Variants in ABLIM3 observed in about 807,000 individuals in gnomAD.
ABLIM3 encodes the protein actin-binding LIM protein 3.
ABLIM3 carries 61 observed loss-of-function variants against 109.5 expected under a neutral mutation model. That is an observed-to-expected ratio of 0.56 (90% CI 0.45 to 0.69). ABLIM3 has a LOEUF of 0.69. Ranked by LOEUF, ABLIM3 falls within the 30% of genes least tolerant of loss-of-function variation. The pLI is 0.00. For synonymous variants in ABLIM3, 300 were observed against 324.8 expected, an observed-to-expected ratio of 0.92 and a Z score of 0.82; for missense variants, 796 against 889.5, an observed-to-expected ratio of 0.89 and a Z score of 1.34.
chr5:149,149,061 G>C (rs1483930599), intron 2 of ABLIM3, among the ~76,000 whole-genome samples: 1 of 152,224 alleles, frequency 6.6e-6, no homozygotes, highest in South Asian at 2.1e-4. Context: ...AGTAGACTTT[G>C]TTCTGTTGAA....
At chr5:149,183,181 G>C (rs1756612601) in intron 2 of ABLIM3, among the ~76,000 whole-genome samples, 1 of 152,118 alleles carries the variant, frequency 6.6e-6, no homozygotes, top group Admixed American at 6.5e-5. Flanking sequence ...CCTCTTATTT[G>C]TCTTCATTCA....
rs762491848 is a variant in ABLIM3 at position 149,198,225 on chromosome 5, G to T, written c.158G>T (p.Gly53Val). Reference sequence around the variant, plus strand: ...TTCCTCCTTGTTCCCCAAGTATGTGGCTGTGGCCTGGCCCAGTCAGGCTTC... The same window carrying T: ...TTCCTCCTTGTTCCCCAAGTATGTGTCTGTGGCCTGGCCCAGTCAGGCTTC... ...HIRCFTCQVC[G>V]CGLAQSGFFF... Residue 53 changes from glycine (G) to valine (V), a missense_variant, in exon 4 of 24, where the codon GGC (glycine) becomes GTC (valine). Gly to Val is a moderately radical substitution (Grantham distance 109, BLOSUM62 -3). Transcript: ENST00000309868. The surrounding 1 kb of genome is among the most constrained non-coding windows in gnomAD (Gnocchi z 4.2). 6.2e-7 allele frequency: 1 copy of T among 1,611,954 alleles called. No homozygotes were observed. The highest frequency in any genetic ancestry group is 8.5e-7 in the Non-Finnish European group (1 of 1,178,944).
chr5:149,202,892 T>C (rs750562541), intron 5 of ABLIM3, among the ~76,000 whole-genome samples: 1 of 151,802 alleles, frequency 6.6e-6, no homozygotes, highest in Non-Finnish European at 1.5e-5. Context: ...ATTGCAAACA[T>C]TGATTGACTG....
intron 20 of ABLIM3, 21 bp downstream of exon 20, chr5:149,250,526 A>G (rs565544925): frequency 1.9e-6 from 3 of 1,614,016 alleles, no homozygotes; most frequent in Non-Finnish European, 2.5e-6. Context: ...GTGCTGGAGG[A>G]TGGGGGAGGA....
At position 149,250,463 on chromosome 5, in the gene ABLIM3, A is replaced by G. The variant is rs1561638120; in HGVS notation, c.1746A>G (p.Lys582=). The G allele has an allele frequency of 1.9e-6, 3 of 1,614,134 alleles. No homozygotes were observed. Among genetic ancestry groups the G allele is most frequent in the Non-Finnish European group, 2.5e-6 (3 of 1,179,992 alleles). ...YLADSDPLIS[K]SASLPAYRRN... is the part of the protein sequence containing the mutation. ...TCTTTTCAGATCCTCTCATCTCCAA[A>G]TCTGCCTCCCTGCCTGCCTACCGAA... The change falls in exon 20 of 24, where the codon AAA becomes AAG. Residue 582 remains lysine, a synonymous_variant. Transcript: ENST00000309868.
intron 17 of ABLIM3, among the ~76,000 whole-genome samples, chr5:149,246,968 T>G (rs1410802565): frequency 6.6e-6 from 1 of 152,180 alleles, no homozygotes; most frequent in Non-Finnish European, 1.5e-5. Flanking sequence ...CCAGAAGAAT[T>G]AAAAACAGGA....
chr5:149,200,068 A>G (rs929103642), intron 4 of ABLIM3, among the ~76,000 whole-genome samples: 3 of 152,218 alleles, frequency 2.0e-5, no homozygotes, highest in Non-Finnish European at 4.4e-5. Context: ...CAGCCTAGAC[A>G]AGTAAGGTCA....
chr5:149,228,761 T>G (rs1053729338), intron 8 of ABLIM3, among the ~76,000 whole-genome samples: 4 of 152,216 alleles, frequency 2.6e-5, no homozygotes, highest in Non-Finnish European at 4.4e-5. Flanking sequence ...AATTATATTT[T>G]TTTTCTTGTT....
Position 149,252,227 on chromosome 5 carries a change from C to T in ABLIM3, c.1857+19C>T. The T allele has an allele frequency of 2.5e-6, 4 of 1,612,318 alleles. No individual in the cohort carries two copies. Among genetic ancestry groups the T allele is most frequent in the Non-Finnish European group, 3.4e-6 (4 of 1,179,234 alleles). ...GTACAAGGTAAAGGATGTGCATAGA[C>T]CCTGGGGGTCTCCAGGATTCTTGGA... On this transcript the variant is annotated intron_variant, in intron 22 of 23. Coordinates refer to ENST00000309868, the MANE Select transcript of ABLIM3 (RefSeq NM_014945.5).
In ABLIM3 at chr5:149,258,411, G is replaced by A. The variant is rs2127580598; in HGVS notation, c.*7G>A. On this transcript the variant is annotated 3_prime_UTR_variant, in exon 24 of 24. Coordinates refer to ENST00000309868, the MANE Select transcript of ABLIM3 (RefSeq NM_014945.5). Reference sequence around the variant, plus strand: ...GCAAGCCCGGCTGTTCTAGGCAGAGGCTCTATAAATATATATGCATTTATA... The same window carrying A: ...GCAAGCCCGGCTGTTCTAGGCAGAGACTCTATAAATATATATGCATTTATA... 1 of 1,612,384 alleles carries A rather than the reference G, an allele frequency of 6.2e-7. No individual in the cohort carries two copies. The highest frequency in any genetic ancestry group is 1.7e-4 in the Middle Eastern group (1 of 6,038).
chr5:149,210,660 A>C, intron 6 of ABLIM3, 66 bp from the exon 7 acceptor site: 1 of 1,407,270 alleles, frequency 7.1e-7, no homozygotes, highest in Non-Finnish European at 1.0e-6. Flanking sequence ...TCCAGAATCT[A>C]AATGCCATGT....
At chr5:149,225,982 GTA>G (rs58844908) in intron 8 of ABLIM3, among the ~76,000 whole-genome samples, 2,597 of 44,800 alleles carry the variant, frequency 0.058, 29 homozygotes, top group Non-Finnish European at 0.071. Context: ...GTGTGTGTGT[GTA>G]TATATATATA....
intron 23 of ABLIM3, among the ~76,000 whole-genome samples, chr5:149,254,633 C>T (rs1754269893): frequency 6.6e-6 from 1 of 152,154 alleles, no homozygotes; most frequent in African/African-American, 2.4e-5. Context: ...TCTTCCAGCT[C>T]TAGCATGCTG....
intron 9 of ABLIM3, among the ~76,000 whole-genome samples, chr5:149,232,169 G>T (rs577666923): frequency 6.6e-6 from 1 of 152,282 alleles, no homozygotes; most frequent in African/African-American, 2.4e-5. Flanking sequence ...AGCTGGATGT[G>T]GTGGCACGTG....
intron 2 of ABLIM3, among the ~76,000 whole-genome samples, chr5:149,160,530 GAACTTTGGTTTATA>G (rs1386693889): frequency 6.6e-6 from 1 of 151,956 alleles, no homozygotes; most frequent in African/African-American, 2.4e-5. Flanking sequence ...CAACAAACAT[GAACTTTGGTTTATA>G]AACTTTGTAA....
intron 8 of ABLIM3, among the ~76,000 whole-genome samples, chr5:149,225,428 G>A (rs1761080784): frequency 6.6e-6 from 1 of 152,088 alleles, no homozygotes; most frequent in African/African-American, 2.4e-5. Context: ...TTTTGTGACT[G>A]GCTTCTCACC....
chr5:149,222,660 A>AC (rs1760771954), intron 8 of ABLIM3, among the ~76,000 whole-genome samples: 1 of 124,416 alleles, frequency 8.0e-6, no homozygotes, highest in African/African-American at 3.1e-5. Context: ...ATTTCAGATT[A>AC]CTTTTTTTTT....
chr5:149,240,272 A>G (rs1752675965), intron 13 of ABLIM3, among the ~76,000 whole-genome samples: 1 of 152,162 alleles, frequency 6.6e-6, no homozygotes, highest in African/African-American at 2.4e-5. Flanking sequence ...CAGCCAATCC[A>G]GTCAGACCAT....
Position 149,183,490 on chromosome 5 carries a change from T to C in ABLIM3, c.52T>C (p.Ser18Pro). The change falls in exon 3 of 24, where the codon TCC (serine) becomes CCC (proline). Residue 18 changes from serine (S) to proline (P), a missense_variant. By Grantham distance (74) the Ser-to-Pro change is moderately conservative. Coordinates refer to ENST00000309868, the MANE Select transcript of ABLIM3 (RefSeq NM_014945.5). ...GAATCCTTACAATCCACGGGGCAGC[T>C]CCAATGTCATCCAGTGCTACCGCTG... is the stretch of plus-strand genomic sequence containing the variant. ...QQNPYNPRGS[S>P]NVIQCYRCGD... 6.3e-7 allele frequency: 1 copy of C among 1,589,692 alleles called. No homozygotes were observed. The highest frequency in any genetic ancestry group is 8.6e-7 in the Non-Finnish European group (1 of 1,168,728).
Sources: allele counts gnomAD v4.1 joint callset (sites outside exome capture counted in the v4.1 genomes callset), GRCh38; gene constraint gnomAD v4.1.1; non-coding constraint Gnocchi (gnomAD v3.1); transcripts MANE v1.5; gene names NCBI Gene and HGNC (gene_info 2026-07-23, HGNC 2026-07-21).